Variants in RAI14 observed in about 807,000 individuals in gnomAD.
RAI14 encodes retinoic acid induced 14.
Under a neutral mutation model 115.4 loss-of-function variants are expected in RAI14, and 45 were observed. That is an observed-to-expected ratio of 0.39 (90% CI 0.31 to 0.50). RAI14 has a LOEUF of 0.50. RAI14 is among the 20% of genes least tolerant of loss of function. The pLI, the probability that RAI14 is intolerant of heterozygous loss-of-function variation, is 0.85. For synonymous variants in RAI14, 371 were observed against 415.4 expected (o/e 0.89, Z 1.30); for missense variants, 939 against 1,131.2 (o/e 0.83, Z 2.44).
At chr5:34,676,719 C>T (rs538869249) in intron 1 of RAI14, among the ~76,000 whole-genome samples, 8 of 152,216 alleles carry the variant, frequency 5.3e-5, no homozygotes, top group African/African-American at 1.9e-4. Context: ...ATTTGGTTTC[C>T]AAGAGAAATG....
chr5:34,799,528 ACACACACAC>A lies in RAI14; in HGVS notation c.256+3502_256+3510del, dbSNP rs756408865. Among the ~76,000 whole-genome samples the A allele has an allele frequency of 5.9e-3, 575 of 97,944 alleles. 9 individuals are homozygous for A. Among genetic ancestry groups the A allele is most frequent in the African/African-American group, 0.017 (560 of 32,074 alleles). 64.3% of individuals were successfully genotyped at this position (97,944 alleles called of 152,430 possible). On this transcript the variant is annotated intron_variant, in intron 4 of 17. Coordinates refer to ENST00000265109, the MANE Select transcript of RAI14 (RefSeq NM_015577.3). The stretch of plus-strand genomic sequence containing the variant: ...CACACACACACACACACACACACAC[ACACACACAC>A]ACAAAACCACCTTTCAAAATCTATT...
intron 3 of RAI14, among the ~76,000 whole-genome samples, chr5:34,781,618 T>C (rs775561301): frequency 2.9e-4 from 44 of 152,314 alleles, no homozygotes; most frequent in Non-Finnish European, 5.1e-4. Context: ...TGTGGAGAAA[T>C]TGGAGCTCTC....
chr5:34,813,759 C>A, intron 11 of RAI14, 99 bp downstream of exon 11: 1 of 793,652 alleles, frequency 1.3e-6, no homozygotes, highest in South Asian at 3.0e-5. Context: ...TAGAACTGAC[C>A]TTTAAGTGCA....
intron 2 of RAI14, among the ~76,000 whole-genome samples, chr5:34,720,808 T>C (rs575643240): frequency 1.3e-5 from 2 of 152,262 alleles, no homozygotes; most frequent in Non-Finnish European, 2.9e-5. Context: ...TGAAAAGTTT[T>C]TGGAAATCTG....
At chr5:34,737,689 G>T (rs775754893) in intron 2 of RAI14, among the ~76,000 whole-genome samples, 29 of 152,126 alleles carry the variant, frequency 1.9e-4, no homozygotes, top group Non-Finnish European at 3.1e-4. Flanking sequence ...AGCCTAGGAG[G>T]TTGAAGCTGC....
intron 1 of RAI14, among the ~76,000 whole-genome samples, chr5:34,662,860 C>CT (rs1240674948): frequency 4.6e-5 from 7 of 150,746 alleles, no homozygotes; most frequent in Admixed American, 6.7e-5. Flanking sequence ...TCCTGAGTAG[C>CT]TGGGACTGCA....
intron 5 of RAI14, among the ~76,000 whole-genome samples, 193 bp downstream of exon 5, chr5:34,803,969 A>G (rs969838535): frequency 6.6e-6 from 1 of 152,204 alleles, no homozygotes; most frequent in East Asian, 1.9e-4. Context: ...CTCCACTGGC[A>G]GAGAAGAGGA....
intron 2 of RAI14, among the ~76,000 whole-genome samples, chr5:34,752,741 G>A (rs868302782): frequency 0.37 from 35,661 of 97,182 alleles, 7,406 homozygotes; most frequent in African/African-American, 0.53. Flanking sequence ...GTGTGTGTGT[G>A]TGTGTGTGTA....
chr5:34,803,247 C>G (rs868722875), intron 4 of RAI14, among the ~76,000 whole-genome samples: 2 of 152,114 alleles, frequency 1.3e-5, no homozygotes, highest in Non-Finnish European at 2.9e-5. Context: ...TCTTCCCACT[C>G]GCAAGAATAA....
At chr5:34,751,194 T>C (rs1216451799) in intron 2 of RAI14, among the ~76,000 whole-genome samples, 2 of 148,526 alleles carry the variant, frequency 1.3e-5, no homozygotes, top group African/African-American at 5.0e-5. Context: ...AGTCTCCCTC[T>C]TGTCGCCCAG....
intron 4 of RAI14, among the ~76,000 whole-genome samples, chr5:34,797,794 G>A (rs1753716150): frequency 6.6e-6 from 1 of 152,120 alleles, no homozygotes; most frequent in Non-Finnish European, 1.5e-5. Flanking sequence ...AGTATGATTT[G>A]CTAAAATACC....
intron 2 of RAI14, chr5:34,716,312 G>A (rs942088339): frequency 1.8e-5 from 4 of 217,020 alleles, no homozygotes; most frequent in Non-Finnish European, 3.7e-5. Flanking sequence ...GTACCTCCTG[G>A]GTCAGCTGAT....
In RAI14 at chr5:34,746,676, C is replaced by G. The variant is rs149919135; in HGVS notation, c.37-10792C>G. On this transcript the variant is annotated intron_variant, in intron 2 of 17. Transcript: ENST00000265109. Reference sequence around the variant, plus strand: ...CGCCTCAGCCTCCCAATCCTTATACCTTTCATGCTATCTCTGTCTCCACTG... The same window carrying G: ...CGCCTCAGCCTCCCAATCCTTATACGTTTCATGCTATCTCTGTCTCCACTG... Among the ~76,000 whole-genome samples the G allele has an allele frequency of 3.0e-3, 453 of 152,172 alleles. 1 individual carries two copies. The highest frequency in any genetic ancestry group is 0.01 in the African/African-American group (427 of 41,506).
chr5:34,785,596 G>A (rs960160268), intron 3 of RAI14, among the ~76,000 whole-genome samples: 1 of 152,146 alleles, frequency 6.6e-6, no homozygotes, highest in Middle Eastern at 3.2e-3. Flanking sequence ...TGGTCACGTG[G>A]ACGGCCAGTG....
chr5:34,723,303 C>T (rs1365101725), intron 2 of RAI14, among the ~76,000 whole-genome samples: 1 of 151,974 alleles, frequency 6.6e-6, no homozygotes, highest in East Asian at 1.9e-4. Context: ...GGAATTGGCT[C>T]ATGTGATTGT....
At position 34,824,502 on chromosome 5, in the gene RAI14, CTG is replaced by C. The variant is rs1757239010; in HGVS notation, c.2649+13_2649+14del. 6.5e-7 allele frequency: 1 copy of C among 1,542,302 alleles called. No homozygotes were observed. The highest frequency in any genetic ancestry group is 2.0e-5 in the Admixed American group (1 of 49,112). On this transcript the variant is annotated intron_variant, in intron 15 of 17. Transcript: ENST00000265109. ...GATAAAGATAAAAAGGTTGGTGAAA[CTG>C]TATTGCTGTTGGGTTTCTAGCAATA...
chr5:34,660,013 AC>A (rs1742572175), intron 1 of RAI14, among the ~76,000 whole-genome samples: 1 of 151,954 alleles, frequency 6.6e-6, no homozygotes, highest in Non-Finnish European at 1.5e-5. Flanking sequence ...CCTCATCTCT[AC>A]AAAAAATACA....
chr5:34,770,720 A>AT (rs1750044681), intron 3 of RAI14, among the ~76,000 whole-genome samples: 1 of 152,196 alleles, frequency 6.6e-6, no homozygotes, highest in Admixed American at 6.5e-5. Context: ...AGCCCAGTGA[A>AT]TAGGGAGAGT....
At chr5:34,723,796 A>C (rs1743106901) in intron 2 of RAI14, among the ~76,000 whole-genome samples, 1 of 152,176 alleles carries the variant, frequency 6.6e-6, no homozygotes, top group African/African-American at 2.4e-5. Context: ...TTGACCATAT[A>C]TTTAGTTTTA....
Sources: gnomAD v4.1 joint callset for allele counts (sites outside exome capture counted in the v4.1 genomes callset) on GRCh38, gnomAD v4.1.1 for gene constraint, MANE v1.5 for transcripts, NCBI Gene and HGNC (gene_info 2026-07-23, HGNC 2026-07-21) for gene names.